PACRG: variants seen among roughly 807,000 people sequenced by gnomAD.
The protein encoded by PACRG is parkin coregulated gene protein.
In PACRG, 29 loss-of-function variants were observed where a neutral mutation model predicts 29.7. That is an observed-to-expected ratio of 0.98 (90% CI 0.73 to 1.33). PACRG has a LOEUF of 1.33. Among genes scored for constraint, PACRG ranks in the 40% most tolerant of loss-of-function variants. PACRG has a pLI of 0.00. For missense variants in PACRG, 279 were observed against 316.2 expected, an observed-to-expected ratio of 0.88 and a Z score of 0.89; for synonymous variants, 116 against 118.7, an observed-to-expected ratio of 0.98 and a Z score of 0.15.
chr6:162,773,546 C>T (rs1192422056), intron 1 of PACRG, among the ~76,000 whole-genome samples: 7 of 119,450 alleles, frequency 5.9e-5, no homozygotes, highest in Non-Finnish European at 6.4e-5. Context: ...CTCGCTCTGT[C>T]GCCCAGGCCG....
At chr6:162,878,096 A>G (rs549360098) in intron 2 of PACRG, among the ~76,000 whole-genome samples, 1 of 152,360 alleles carries the variant, frequency 6.6e-6, no homozygotes, top group South Asian at 2.1e-4. Flanking sequence ...ATATTAGTAG[A>G]TTAAAATTCT....
intron 3 of PACRG, among the ~76,000 whole-genome samples, chr6:163,082,756 C>G (rs9458720): frequency 0.037 from 5,665 of 152,114 alleles, 375 homozygotes; most frequent in African/African-American, 0.13. Flanking sequence ...ACTATTTTTT[C>G]TATTAGATGA....
chr6:162,958,294 T>C (rs2128139622), intron 2 of PACRG, among the ~76,000 whole-genome samples: 1 of 152,312 alleles, frequency 6.6e-6, no homozygotes, highest in Admixed American at 6.5e-5. Flanking sequence ...ATATTCTATA[T>C]TAATATTTAA....
At chr6:162,802,884 A>G (rs925666009) in intron 1 of PACRG, among the ~76,000 whole-genome samples, 4 of 152,084 alleles carry the variant, frequency 2.6e-5, no homozygotes, top group Non-Finnish European at 4.4e-5. Flanking sequence ...CTATTCTCCT[A>G]TAGAATCCTC....
At chr6:163,097,501 T>C (rs1442409819) in intron 4 of PACRG, among the ~76,000 whole-genome samples, 1 of 152,224 alleles carries the variant, frequency 6.6e-6, no homozygotes, top group African/African-American at 2.4e-5. Context: ...AGAGGCTTAT[T>C]CTGAGCCAAA....
At chr6:163,047,875 A>G (rs988257046) in intron 2 of PACRG, among the ~76,000 whole-genome samples, 3 of 152,176 alleles carry the variant, frequency 2.0e-5, no homozygotes, top group Non-Finnish European at 2.9e-5. Flanking sequence ...ATATTTGTCA[A>G]TCATCTTTTG....
intron 2 of PACRG, among the ~76,000 whole-genome samples, chr6:162,959,186 T>C (rs760309861): frequency 2.6e-5 from 4 of 151,600 alleles, no homozygotes; most frequent in Non-Finnish European, 5.9e-5. Flanking sequence ...ACCAAAGCTC[T>C]GGGATTACAG....
chr6:163,245,072 T>C, intron 4 of PACRG: 1 of 454,952 alleles, frequency 2.2e-6, no homozygotes, highest in Non-Finnish European at 4.4e-6. Context: ...AGTCAGTTTA[T>C]GCTTCCCAGA....
chr6:163,312,731 G>C, intron 4 of PACRG: 1 of 409,380 alleles, frequency 2.4e-6, no homozygotes, highest in Non-Finnish European at 4.8e-6. Context: ...CTTATCTCTT[G>C]TTTATCTGAT....
chr6:162,786,935 C>T (rs996279499), intron 1 of PACRG, among the ~76,000 whole-genome samples: 11 of 151,956 alleles, frequency 7.2e-5, no homozygotes, highest in South Asian at 2.1e-4. Flanking sequence ...TCTAATATAG[C>T]GCACGATAAA....
intron 2 of PACRG, among the ~76,000 whole-genome samples, chr6:162,897,801 C>T (rs1795277068): frequency 6.6e-6 from 1 of 152,204 alleles, no homozygotes; most frequent in African/African-American, 2.4e-5. Context: ...GACTTCTGGT[C>T]CTATAAGCTT....
Position 162,957,676 on chromosome 6 carries a change from T to C in PACRG, c.292-104474T>C, listed in dbSNP as rs999433565. On this transcript the variant is annotated intron_variant, in intron 2 of 4. Coordinates refer to ENST00000366888, the MANE Select transcript of PACRG (RefSeq NM_001080379.2). ...TTATTTTTATTTCACTGTTTACTTTTTTTTTTGTCTCACATGCATATAAAA... is the reference window on the plus strand; with the variant it reads ...TTATTTTTATTTCACTGTTTACTTTCTTTTTTGTCTCACATGCATATAAAA... The C allele has an allele frequency of 1.2e-4, 18 of 153,762 alleles. No homozygotes were observed. In the East Asian group the frequency reaches 3.2e-3, roughly 27 times the overall value. The allele number at this position is 153,762 out of a possible 1,614,324, so 9.5% of individuals were successfully genotyped here. A position where few individuals can be genotyped will look rare whatever the true frequency, so the allele number is the denominator to read the frequency against.
chr6:163,299,971 G>C (rs1489454008), intron 4 of PACRG, among the ~76,000 whole-genome samples: 1 of 152,192 alleles, frequency 6.6e-6, no homozygotes, highest in Non-Finnish European at 1.5e-5. Context: ...GCTGATAGAA[G>C]CACGTAGGGG....
chr6:163,219,101 C>T (rs1361886645), intron 4 of PACRG, among the ~76,000 whole-genome samples: 3 of 152,224 alleles, frequency 2.0e-5, no homozygotes, highest in Non-Finnish European at 4.4e-5. Flanking sequence ...GCTCTAACCA[C>T]CCCTCTAATT....
chr6:162,942,488 G>T (rs1220359278), intron 2 of PACRG, among the ~76,000 whole-genome samples: 6 of 151,928 alleles, frequency 3.9e-5, no homozygotes, highest in Non-Finnish European at 7.4e-5. Context: ...TATTCAGTGT[G>T]GATAACCAGC....
At chr6:162,893,563 G>A (rs964925777) in intron 2 of PACRG, among the ~76,000 whole-genome samples, 9 of 141,366 alleles carry the variant, frequency 6.4e-5, no homozygotes, top group African/African-American at 1.8e-4. Context: ...GAGGCACCAC[G>A]CGTGCCCCAG....
At chr6:162,762,035 G>T (rs1303136155) in intron 1 of PACRG, among the ~76,000 whole-genome samples, 1 of 142,362 alleles carries the variant, frequency 7.0e-6, no homozygotes, top group Non-Finnish European at 1.5e-5. Flanking sequence ...GAAACAAGCA[G>T]ATCTAATGCC....
chr6:163,312,928 T>C, intron 4 of PACRG: 1 of 282,332 alleles, frequency 3.5e-6, no homozygotes, highest in Non-Finnish European at 7.0e-6. Context: ...AATTTTTTAA[T>C]TTCTTTTATA....
At chr6:163,298,743 A>G (rs969239763) in intron 4 of PACRG, among the ~76,000 whole-genome samples, 7 of 152,240 alleles carry the variant, frequency 4.6e-5, no homozygotes, top group Non-Finnish European at 7.3e-5. Context: ...GTAGATATCA[A>G]TGTTGAAAAT....
Sources: allele counts gnomAD v4.1 joint callset (sites outside exome capture counted in the v4.1 genomes callset), GRCh38; gene constraint gnomAD v4.1.1; transcripts MANE v1.5; gene names NCBI Gene and HGNC (gene_info 2026-07-23, HGNC 2026-07-21).